Variants in STRADB observed in about 807,000 individuals in gnomAD.
STRADB encodes the protein STE20 related adaptor beta.
A neutral mutation model predicts 52.1 loss-of-function variants in STRADB; 34 were observed. The ratio of observed to expected loss-of-function variants is 0.65; its 90% CI spans 0.50 to 0.87. The LOEUF (loss-of-function observed/expected upper bound fraction) is 0.87. Ranked by LOEUF, STRADB falls within the 40% of genes least tolerant of loss-of-function variation. The pLI is 0.00. For missense variants in STRADB, 340 were observed against 483.9 expected (o/e 0.70, Z 2.79); for synonymous variants, 133 against 174.5 (o/e 0.76, Z 1.87).
At chr2:201,478,300 G>A in intron 9 of STRADB, 57 bp from the exon 10 acceptor site, 1 of 1,602,306 alleles carries the variant, frequency 6.2e-7, no homozygotes, top group Non-Finnish European at 8.5e-7. Flanking sequence ...CTTTATTGTT[G>A]TTACTGTTTT....
chr2:201,460,715 A>G, intron 3 of STRADB: 1 of 225,528 alleles, frequency 4.4e-6, no homozygotes, highest in Non-Finnish European at 9.9e-6. Flanking sequence ...TTGTGGCTAA[A>G]TAGTATTCCA....
chr2:201,461,624 C>T (rs527279086), intron 3 of STRADB, among the ~76,000 whole-genome samples: 75 of 149,236 alleles, frequency 5.0e-4, no homozygotes, highest in African/African-American at 1.8e-3. Flanking sequence ...TATTTTCTCC[C>T]ATTCTGTGGG....
At position 201,469,904 on chromosome 2, in the gene STRADB, G is replaced by T. The variant is rs372958862; in HGVS notation, c.94-49G>T. On this transcript the variant is annotated intron_variant, in intron 3 of 11. Transcript: ENST00000194530. ...ACCAGTGTTTTATATTAGGGCAGGG[G>T]GACCAAGAAGTTCATCTATTTTGTT... 4 of 1,385,750 alleles carry T rather than the reference G, an allele frequency of 2.9e-6. No individual in the cohort carries two copies. The Admixed American group carries it at 6.9e-5, about 24-fold the overall frequency. 85.8% of individuals were successfully genotyped at this position (1,385,750 alleles called of 1,614,324 possible). A position where few individuals can be genotyped will look rare whatever the true frequency, so the allele number is the denominator to read the frequency against.
At chr2:201,453,715 T>C (rs1244439018) in intron 1 of STRADB, among the ~76,000 whole-genome samples, 1 of 152,158 alleles carries the variant, frequency 6.6e-6, no homozygotes, top group Admixed American at 6.5e-5. Context: ...TGATACAGTG[T>C]TTGCTAATTA....
intron 8 of STRADB, 76 bp from the exon 9 acceptor site, chr2:201,478,011 A>G: frequency 4.5e-6 from 6 of 1,338,400 alleles, no homozygotes; most frequent in Non-Finnish European, 6.2e-6. Context: ...ACCATTCTTT[A>G]TCAAAAAAGC....
At chr2:201,479,999 T>TC (rs765953422) in intron 11 of STRADB, 33 bp from the exon 12 acceptor site, 79 of 1,611,874 alleles carry the variant, frequency 4.9e-5, no homozygotes, top group Non-Finnish European at 6.4e-5. Flanking sequence ...TGAAATGATA[T>TC]ATCAACAGCC....
intron 2 of STRADB, among the ~76,000 whole-genome samples, chr2:201,455,263 A>G (rs997288135): frequency 2.6e-5 from 4 of 152,228 alleles, no homozygotes; most frequent in African/African-American, 9.6e-5. Flanking sequence ...ATTTGGATCA[A>G]TGTATATATG....
rs756598860 is a variant in STRADB, at chr2:201,480,352, C to T, written c.*177C>T. Reference sequence around the variant, plus strand: ...GCACCAGTTTGTAGTCCCTCTGTTTCGCACAGAGTACTATGACAAGGAAAC... The same window carrying T: ...GCACCAGTTTGTAGTCCCTCTGTTTTGCACAGAGTACTATGACAAGGAAAC... On this transcript the variant is annotated 3_prime_UTR_variant, in exon 12 of 12. Transcript: ENST00000194530. 286 of 1,438,084 alleles carry T rather than the reference C, an allele frequency of 2.0e-4. No homozygotes were observed. Among genetic ancestry groups the T allele is most frequent in the Admixed American group, 2.3e-4 (8 of 35,410 alleles). 89.1% of individuals were successfully genotyped at this position (1,438,084 alleles called of 1,614,324 possible).
At position 201,454,786 on chromosome 2, in the gene STRADB, C is replaced by G. The variant is rs911984071; in HGVS notation, c.-55C>G. 26 of 1,540,454 alleles carry G rather than the reference C, an allele frequency of 1.7e-5. No individual in the cohort carries two copies. Among genetic ancestry groups the G allele is most frequent in the Non-Finnish European group, 2.1e-5 (24 of 1,133,484 alleles). ...TCTTGAAAGGAAGATAAAACAAAAG[C>G]CTTCTTTGGAATAGATGGATTTTTG... On this transcript the variant is annotated 5_prime_UTR_variant, in exon 2 of 12. Transcript: ENST00000194530.
At chr2:201,468,102 T>C (rs1952333754) in intron 3 of STRADB, among the ~76,000 whole-genome samples, 1 of 140,968 alleles carries the variant, frequency 7.1e-6, no homozygotes, top group African/African-American at 2.6e-5. Context: ...TTTTTTTTTT[T>C]TTTTTTGGTA....
chr2:201,478,637 CAT>C (rs1952519397), intron 10 of STRADB, 36 bp downstream of exon 10: 1 of 1,589,880 alleles, frequency 6.3e-7, no homozygotes, highest in South Asian at 1.1e-5. Context: ...ACAAAATGTA[CAT>C]GTTTTACATT....
chr2:201,480,203 T>G lies in STRADB; in HGVS notation c.*28T>G. 1 of 1,603,946 alleles carries G rather than the reference T, an allele frequency of 6.2e-7. No individual in the cohort carries two copies. Among genetic ancestry groups the G allele is most frequent in the Non-Finnish European group, 8.5e-7 (1 of 1,174,640 alleles). On this transcript the variant is annotated 3_prime_UTR_variant, in exon 12 of 12. Coordinates refer to ENST00000194530, the MANE Select transcript of STRADB (RefSeq NM_018571.6). ...CTGCCAAATCATTTTATGTCCTATATACTTGACACTTTCTCCTTGCTGCTT... is the reference window on the plus strand; with the variant it reads ...CTGCCAAATCATTTTATGTCCTATAGACTTGACACTTTCTCCTTGCTGCTT...
intron 3 of STRADB, among the ~76,000 whole-genome samples, chr2:201,463,700 C>T (rs897628774): frequency 6.6e-6 from 1 of 152,054 alleles, no homozygotes; most frequent in African/African-American, 2.4e-5. Context: ...CTTTCTCTAC[C>T]TCCTCTTCAA....
At chr2:201,471,458 G>A (rs926535468) in intron 4 of STRADB, among the ~76,000 whole-genome samples, 1 of 152,156 alleles carries the variant, frequency 6.6e-6, no homozygotes, top group African/African-American at 2.4e-5. Flanking sequence ...GAGACATTGT[G>A]GAATCATGAT....
chr2:201,478,124 G>T lies in STRADB; in HGVS notation c.758G>T (p.Ser253Ile), dbSNP rs925475488. 1.2e-6 allele frequency: 2 copies of T among 1,613,476 alleles called. No individual in the cohort carries two copies. Among genetic ancestry groups the T allele is most frequent in the Non-Finnish European group, 1.7e-6 (2 of 1,179,848 alleles). ...HGYNVKSDIY[S>I]VGITACELAS... ...TATAATGTGAAGTCAGATATTTACA[G>T]TGTTGGGATTACAGCATGTGAATTA... The change falls in exon 9 of 12, where the codon AGT becomes ATT. Residue 253 changes from serine (S) to isoleucine (I), a missense_variant. Ser to Ile is a moderately radical substitution (Grantham distance 142, BLOSUM62 -2). Coordinates refer to ENST00000194530, the MANE Select transcript of STRADB (RefSeq NM_018571.6).
rs1214525696 is a variant in STRADB at position 201,473,084 on chromosome 2, T to A, written c.315+8T>A. On this transcript the variant is annotated splice_region_variant and intron_variant, in intron 5 of 11. Coordinates refer to ENST00000194530, the MANE Select transcript of STRADB (RefSeq NM_018571.6). ...CGCCTGAAAGCTTTACAGGTAACAA[T>A]ATGAAGAAAATGATACACAGTTGGG... The A allele has an allele frequency of 1.2e-6, 2 of 1,609,342 alleles. No homozygotes were observed. Among genetic ancestry groups the A allele is most frequent in the South Asian group, 1.1e-5 (1 of 89,582 alleles).
intron 7 of STRADB, among the ~76,000 whole-genome samples, chr2:201,476,634 GA>G (rs934207622): frequency 2.6e-5 from 4 of 151,702 alleles, no homozygotes; most frequent in African/African-American, 9.7e-5. Flanking sequence ...AATATTGTTT[GA>G]TTTTTTTTTA....
In STRADB at chr2:201,478,560, TAGCTTGGTAC is replaced by T; in HGVS notation, c.1034_1043del (p.Leu345SerfsTer25). On this transcript the variant is annotated frameshift_variant, in exon 10 of 12. Coordinates refer to ENST00000194530, the MANE Select transcript of STRADB (RefSeq NM_018571.6). LOFTEE classifies it high-confidence loss of function. The stretch of plus-strand genomic sequence containing the variant: ...CAAAAACTTTCTCTCCTGCCTTCTT[TAGCTTGGTAC>T]AGCTCTGTTTGCAACAAGATCCTGA... 1 of 1,613,994 alleles carries T rather than the reference TAGCTTGGTAC, an allele frequency of 6.2e-7. No individual in the cohort carries two copies. The highest frequency in any genetic ancestry group is 8.5e-7 in the Non-Finnish European group (1 of 1,179,984).
At chr2:201,456,825 A>G (rs1273548838) in intron 2 of STRADB, among the ~76,000 whole-genome samples, 1 of 152,246 alleles carries the variant, frequency 6.6e-6, no homozygotes, top group Non-Finnish European at 1.5e-5. Context: ...ATGTGGGGTG[A>G]AGTTCAGAGG....
Sources: gnomAD v4.1 joint callset for allele counts (sites outside exome capture counted in the v4.1 genomes callset) on GRCh38, gnomAD v4.1.1 for gene constraint, MANE v1.5 for transcripts, NCBI Gene and HGNC (gene_info 2026-07-23, HGNC 2026-07-21) for gene names.